NAV1: variants seen among roughly 807,000 people sequenced by gnomAD.
NAV1 encodes neuron navigator 1, also known as pore membrane and/or filament interacting like protein 3.
A neutral mutation model predicts 175.2 loss-of-function variants in NAV1; 18 were observed. That is an observed-to-expected ratio of 0.10 (90% CI 0.07 to 0.15). NAV1 has a LOEUF of 0.15. Ranked by LOEUF, NAV1 falls within the 10% of genes least tolerant of loss-of-function variation. The pLI, the probability that NAV1 is intolerant of heterozygous loss-of-function variation, is 1.00. For synonymous variants in NAV1, 897 were observed against 978.7 expected (o/e 0.92, Z 1.56); for missense variants, 1,731 against 2,436.6 (o/e 0.71, Z 6.10).
Position 201,570,861 on chromosome 1 carries a change from A to G in NAV1, c.-143-17678A>G, listed in dbSNP as rs145582252. Among the ~76,000 whole-genome samples the G allele has an allele frequency of 2.5e-3, 387 of 152,278 alleles. 1 individual carries two copies. The highest frequency in any genetic ancestry group is 8.8e-3 in the African/African-American group (365 of 41,574). On this transcript the variant is annotated intron_variant, in intron 1 of 33. Transcript: ENST00000685211. The stretch of plus-strand genomic sequence containing the variant: ...TCTCTGGAACCTCAGGCCTGACAAC[A>G]TGGCCTATTTTCTACCATTAGCCCT...
intron 3 of NAV1, 144 bp from the exon 8 acceptor site, chr1:201,780,277 A>C: frequency 1.2e-6 from 1 of 813,772 alleles, no homozygotes; most frequent in Non-Finnish European, 1.9e-6. Context: ...TGAGTTGCTG[A>C]CAAACCTAGG....
chr1:201,720,370 A>G (rs1672331669), intron 3 of NAV1, among the ~76,000 whole-genome samples: 2 of 152,206 alleles, frequency 1.3e-5, no homozygotes, highest in South Asian at 2.1e-4. Context: ...GCTTCCAGAC[A>G]GGGGAAGTGA....
At chr1:201,777,818 C>A (rs1160468085) in intron 3 of NAV1, among the ~76,000 whole-genome samples, 1 of 151,874 alleles carries the variant, frequency 6.6e-6, no homozygotes, top group Non-Finnish European at 1.5e-5. Context: ...ACCTGTAATC[C>A]CAGCTACTTG....
chr1:201,724,335 A>G (rs1283540015), intron 3 of NAV1: 1 of 152,226 alleles, frequency 6.6e-6, no homozygotes, highest in Non-Finnish European at 1.5e-5. Flanking sequence ...GGAGGGGAAT[A>G]GAGGATGGGT....
At chr1:201,759,555 T>C (rs1451813328) in intron 3 of NAV1, among the ~76,000 whole-genome samples, 1 of 152,218 alleles carries the variant, frequency 6.6e-6, no homozygotes. Flanking sequence ...CTGCAGATTT[T>C]CCTTTGATTT....
intron 1 of NAV1, among the ~76,000 whole-genome samples, chr1:201,678,929 T>C (rs1043482807): frequency 6.6e-6 from 1 of 152,090 alleles, no homozygotes; most frequent in Non-Finnish European, 1.5e-5. Flanking sequence ...CCCCTCCATC[T>C]GCTTCCAGCT....
exon 1 of NAV1, chr1:201,649,141 A>C: frequency 6.2e-7 from 1 of 1,612,040 alleles, no homozygotes; most frequent in Non-Finnish European, 8.5e-7. Flanking sequence ...GGCGGCGCCA[A>C]GACCCCCCTG....
chr1:201,815,039 C>T (rs1037913557), intron 28 of NAV1, among the ~76,000 whole-genome samples: 2 of 76,140 alleles, frequency 2.6e-5, no homozygotes, highest in Non-Finnish European at 5.1e-5. Flanking sequence ...GACTCTGTCT[C>T]AAAAAAAAAA....
At chr1:201,817,970 G>A (rs1245155524) in intron 29 of NAV1, among the ~76,000 whole-genome samples, 3 of 152,166 alleles carry the variant, frequency 2.0e-5, no homozygotes, top group Non-Finnish European at 4.4e-5. Flanking sequence ...GCTCACACCT[G>A]TAATTCCAGC....
intron 1 of NAV1, among the ~76,000 whole-genome samples, chr1:201,688,851 AAATTCT>A (rs1167060429): frequency 1.3e-5 from 2 of 152,222 alleles, no homozygotes; most frequent in African/African-American, 2.4e-5. Context: ...TCACTTTGAT[AAATTCT>A]GTCTCTATTG....
chr1:201,722,657 TTTTG>T (rs140405451), intron 3 of NAV1, among the ~76,000 whole-genome samples: 70,103 of 151,282 alleles, frequency 0.46, 16,441 homozygotes, highest in East Asian at 0.6. Context: ...TCTATGTGTT[TTTTG>T]TTTGTTTGTT....
At position 201,783,758 on chromosome 1, in the gene NAV1, G is replaced by A. The variant is rs748683726; in HGVS notation, c.2710G>A (p.Val904Ile). The change falls in exon 7 of 30, where the codon GTC (valine) becomes ATC (isoleucine). Residue 904 changes from valine to isoleucine, a missense_variant. Transcript: ENST00000367296. ...CAGTGCCTTCCCCAGCAGTACTCCC[G>A]TCCCCACCCCACCTGCTCCCCCTGC... is the stretch of plus-strand genomic sequence containing the variant. 116 of 1,613,808 alleles carry A rather than the reference G, an allele frequency of 7.2e-5. No individual in the cohort carries two copies. The highest frequency in any genetic ancestry group is 2.8e-4 in the Admixed American group (17 of 59,982).
Position 201,788,873 on chromosome 1 carries a change from G to A in NAV1, c.3166+235G>A, listed in dbSNP as rs770510852. 1.3e-5 allele frequency among the ~76,000 whole-genome samples: 2 copies of A among 152,176 alleles called. No homozygotes were observed. Among genetic ancestry groups the A allele is most frequent in the Non-Finnish European group, 2.9e-5 (2 of 68,028 alleles). ...ATGGAGCATCCATCACTGGGGCTGG[G>A]GGAGGGAAATTGAGCATGGAAGGGT... On this transcript the variant is annotated intron_variant, in intron 10 of 29. Transcript: ENST00000367296. The surrounding 1 kb of genome is among the most constrained non-coding windows in gnomAD (Gnocchi z 5.7).
At chr1:201,605,633 C>T (rs537039967) in intron 2 of NAV1, among the ~76,000 whole-genome samples, 3 of 152,316 alleles carry the variant, frequency 2.0e-5, no homozygotes, top group African/African-American at 7.2e-5. Context: ...ACATGATCCC[C>T]TTTCTGTGGG....
chr1:201,561,648 A>G (rs958500434), intron 1 of NAV1, among the ~76,000 whole-genome samples: 5 of 152,216 alleles, frequency 3.3e-5, no homozygotes, highest in African/African-American at 1.2e-4. Flanking sequence ...AGCTCCCCAC[A>G]GATACAGAAG....
rs536067208 is a variant in NAV1 at position 201,676,534 on chromosome 1, G to GAGGGAAGC, written c.757+27110_757+27117dup. Among the ~76,000 whole-genome samples, 738 of 152,098 alleles carry GAGGGAAGC rather than the reference G, an allele frequency of 4.9e-3. 3 individuals are homozygous for GAGGGAAGC. The highest frequency in any genetic ancestry group is 0.017 in the African/African-American group (714 of 41,416). On this transcript the variant is annotated intron_variant, in intron 1 of 29. Transcript: ENST00000367296. ...AGGGAGGCAAAGCAGGCCACACAGC[G>GAGGGAAGC]AGGGAAGCGGCTGGGGAGAGCTGAC...
Position 201,808,113 on chromosome 1 carries a change from C to T in NAV1, c.3809C>T (p.Ser1270Phe), listed in dbSNP as rs534626298. Residue 1270 changes from serine (S) to phenylalanine (F), a missense_variant, in exon 18 of 30, where the codon TCC becomes TTC. Ser to Phe is a radical substitution (Grantham distance 155). Coordinates refer to ENST00000367296, the Ensembl canonical transcript of NAV1. The surrounding 1 kb of genome is among the most constrained non-coding windows in gnomAD (Gnocchi z 5.5). ...GAGACTGCTTCACCCTCCATCAAGT[C>T]CTCCACCTCGTCCTCCGTGGGCACT... 3.7e-5 allele frequency: 60 copies of T among 1,614,234 alleles called. No homozygotes were observed. The South Asian group carries it at 6.0e-4, about 16-fold the overall frequency.
At chr1:201,591,106 G>A (rs1478815049) in intron 2 of NAV1, among the ~76,000 whole-genome samples, 1 of 152,130 alleles carries the variant, frequency 6.6e-6, no homozygotes, top group Non-Finnish European at 1.5e-5. Context: ...CCTTTAGAGT[G>A]GTGTCTGTCC....
intron 2 of NAV1, among the ~76,000 whole-genome samples, chr1:201,602,281 T>C (rs1233994661): frequency 6.6e-6 from 1 of 152,210 alleles, no homozygotes; most frequent in Non-Finnish European, 1.5e-5. Flanking sequence ...CCACTGGGCC[T>C]AAAAAACTCC....
Sources: gnomAD v4.1 joint callset for allele counts (sites outside exome capture counted in the v4.1 genomes callset) on GRCh38, gnomAD v4.1.1 for gene constraint, Gnocchi (gnomAD v3.1) non-coding constraint, MANE v1.5 for transcripts, NCBI Gene and HGNC (gene_info 2026-07-23, HGNC 2026-07-21) for gene names.